C10orf90: variants seen among roughly 807,000 people sequenced by gnomAD.
The protein encoded by C10orf90 is (E2-independent) E3 ubiquitin-conjugating enzyme FATS.
In C10orf90, 56 loss-of-function variants were observed where a neutral mutation model predicts 62.5. The ratio of observed to expected loss-of-function variants is 0.90; its 90% CI spans 0.72 to 1.12. The LOEUF is 1.12. Among genes scored for constraint, C10orf90 ranks in the 50% most tolerant of loss-of-function variants. The probability of loss-of-function intolerance (pLI) is 0.00; values close to 1 mark genes in which losing one functional copy is unlikely to be tolerated. For missense variants in C10orf90, 970 were observed against 880.4 expected, an observed-to-expected ratio of 1.10 and a Z score of -1.29; for synonymous variants, 386 against 340.4, an observed-to-expected ratio of 1.13 and a Z score of -1.47.
intron 2 of C10orf90, among the ~76,000 whole-genome samples, chr10:126,621,415 G>C (rs191896851): frequency 6.6e-6 from 1 of 152,056 alleles, no homozygotes; most frequent in East Asian, 1.9e-4. Flanking sequence ...CTTTTTATTC[G>C]AACTTGTGAC....
At chr10:126,531,303 G>C (rs528040973) in intron 2 of C10orf90, among the ~76,000 whole-genome samples, 5 of 152,222 alleles carry the variant, frequency 3.3e-5, no homozygotes, top group Non-Finnish European at 7.4e-5. Flanking sequence ...AGACATTTTT[G>C]GTTGTCACCT....
chr10:126,567,289 T>A lies in C10orf90; in HGVS notation c.314-53350A>T, dbSNP rs1844413136. On this transcript the variant is annotated intron_variant, in intron 2 of 9. Transcript: ENST00000488181. Reference sequence around the variant, plus strand: ...AAGGCGAAGGGCAAGCAGGCATGTCTTCACTTGGCTGGAGCAGGAGGAAAA... The same window carrying A: ...AAGGCGAAGGGCAAGCAGGCATGTCATCACTTGGCTGGAGCAGGAGGAAAA... 1.3e-5 allele frequency among the ~76,000 whole-genome samples: 2 copies of A among 152,158 alleles called. 1 individual carries two copies. Among genetic ancestry groups the A allele is most frequent in the South Asian group, 4.1e-4 (2 of 4,824 alleles).
intron 2 of C10orf90, among the ~76,000 whole-genome samples, chr10:126,521,990 C>T (rs1408383045): frequency 6.6e-6 from 1 of 152,200 alleles, no homozygotes; most frequent in Non-Finnish European, 1.5e-5. Flanking sequence ...CACCGGCAGC[C>T]TGGCGTGGTG....
chr10:126,429,183 G>T (rs1355235699), intron 8 of C10orf90, among the ~76,000 whole-genome samples: 2 of 152,094 alleles, frequency 1.3e-5, no homozygotes, highest in African/African-American at 2.4e-5. Context: ...AGAAAGAATG[G>T]CAGCCTTTGT....
chr10:126,514,296 T>C (rs1042675367), intron 2 of C10orf90, among the ~76,000 whole-genome samples: 1 of 152,194 alleles, frequency 6.6e-6, no homozygotes, highest in African/African-American at 2.4e-5. Context: ...CCAACATCAC[T>C]AGAGCTAAGA....
At chr10:126,598,740 C>G (rs1376790441) in intron 2 of C10orf90, among the ~76,000 whole-genome samples, 1 of 152,158 alleles carries the variant, frequency 6.6e-6, no homozygotes, top group African/African-American at 2.4e-5. Flanking sequence ...CTGATTTAAG[C>G]AGTCTGTCAA....
intron 2 of C10orf90, among the ~76,000 whole-genome samples, chr10:126,613,610 A>C (rs773227953): frequency 2.2e-4 from 34 of 152,206 alleles, no homozygotes; most frequent in Non-Finnish European, 4.4e-4. Context: ...CTGAAAAACT[A>C]TATGAAGAAA....
At chr10:126,473,054 T>C (rs139585620) in intron 4 of C10orf90, among the ~76,000 whole-genome samples, 44 of 152,320 alleles carry the variant, frequency 2.9e-4, no homozygotes, top group African/African-American at 8.4e-4. Flanking sequence ...GGAAATGTTA[T>C]AGGGCACTTG....
chr10:126,669,885 G>T (rs1264222280), intron 1 of C10orf90, among the ~76,000 whole-genome samples: 1 of 152,148 alleles, frequency 6.6e-6, no homozygotes, highest in Non-Finnish European at 1.5e-5. Context: ...AAAGACAGGT[G>T]ATTGCAAACA....
chr10:126,583,362 G>A (rs1344295469), intron 2 of C10orf90, among the ~76,000 whole-genome samples: 1 of 152,290 alleles, frequency 6.6e-6, no homozygotes, highest in African/African-American at 2.4e-5. Context: ...AGAACTAAAA[G>A]TCTCTCATTC....
rs1279470944 is a variant in C10orf90 at position 126,504,890 on chromosome 10, G to C, written c.601C>G (p.Pro201Ala). 4 of 1,614,034 alleles carry C rather than the reference G, an allele frequency of 2.5e-6. No individual in the cohort carries two copies. The highest frequency in any genetic ancestry group is 3.4e-6 in the Non-Finnish European group (4 of 1,180,026). Reference protein sequence around the residue: ...VNIHRAFALLPGRLGIPAPSD... With the variant: ...VNIHRAFALLAGRLGIPAPSD... ...GGTGCCGGGATTCCTAATCTGCCCGGAAGTAACGCAAATGCTCTGTGAATG... is the reference window on the plus strand; with the variant it reads ...GGTGCCGGGATTCCTAATCTGCCCGCAAGTAACGCAAATGCTCTGTGAATG... Residue 201 changes from proline to alanine, a missense_variant, in exon 4 of 10, where the codon CCG becomes GCG. By Grantham distance (27) the Pro-to-Ala change is conservative. Coordinates refer to ENST00000488181, the MANE Select transcript of C10orf90 (RefSeq NM_001350921.2). The surrounding 1 kb of genome is among the most constrained non-coding windows in gnomAD (Gnocchi z 4.1).
At chr10:126,595,657 C>T (rs778766736) in intron 2 of C10orf90, among the ~76,000 whole-genome samples, 2 of 152,058 alleles carry the variant, frequency 1.3e-5, no homozygotes. Flanking sequence ...CTCTGGGCCC[C>T]GTTCCCCCAT....
chr10:126,482,076 T>C (rs996304644), intron 4 of C10orf90, among the ~76,000 whole-genome samples: 2 of 152,204 alleles, frequency 1.3e-5, no homozygotes, highest in African/African-American at 4.8e-5. Flanking sequence ...CATTTCTACA[T>C]TTGTCTCTAC....
At chr10:126,448,096 T>G (rs528823546) in intron 7 of C10orf90, among the ~76,000 whole-genome samples, 31 of 148,550 alleles carry the variant, frequency 2.1e-4, no homozygotes, top group Admixed American at 3.4e-4. Flanking sequence ...GGTATCGATC[T>G]CTTGACCTCA....
intron 2 of C10orf90, among the ~76,000 whole-genome samples, chr10:126,563,013 C>A (rs929020807): frequency 6.6e-6 from 1 of 152,228 alleles, no homozygotes; most frequent in African/African-American, 2.4e-5. Context: ...CATGGCTGTG[C>A]AGGTGACATC....
chr10:126,528,055 C>T (rs982187370), intron 2 of C10orf90, among the ~76,000 whole-genome samples: 1 of 152,170 alleles, frequency 6.6e-6, no homozygotes, highest in Non-Finnish European at 1.5e-5. Context: ...AAGGAAGTTT[C>T]ACTAATGAAC....
intron 2 of C10orf90, among the ~76,000 whole-genome samples, chr10:126,529,870 T>C (rs1864046259): frequency 6.6e-6 from 1 of 152,202 alleles, no homozygotes; most frequent in African/African-American, 2.4e-5. Context: ...CATCAAAATC[T>C]AATACTGCAT....
intron 3 of C10orf90, among the ~76,000 whole-genome samples, chr10:126,507,760 C>A (rs1248382235): frequency 6.6e-6 from 1 of 152,106 alleles, no homozygotes; most frequent in African/African-American, 2.4e-5. Context: ...AATTCCTGGG[C>A]AGGGAGGCCC....
chr10:126,645,579 G>T (rs889820680), intron 2 of C10orf90, among the ~76,000 whole-genome samples: 1 of 144,556 alleles, frequency 6.9e-6, no homozygotes, highest in Admixed American at 7.0e-5. Flanking sequence ...GACAGAGTGA[G>T]ACCCTGCCTA....
Sources: allele counts gnomAD v4.1 joint callset (sites outside exome capture counted in the v4.1 genomes callset), GRCh38; gene constraint gnomAD v4.1.1; non-coding constraint Gnocchi (gnomAD v3.1); transcripts MANE v1.5; gene names NCBI Gene and HGNC (gene_info 2026-07-23, HGNC 2026-07-21).